The following SYT6 variants were observed in gnomAD, a reference collection of about 807,000 sequenced individuals.
SYT6 encodes the protein synaptotagmin-6.
Under a neutral mutation model 38.4 loss-of-function variants are expected in SYT6, and 24 were observed. The observed-to-expected ratio is 0.62, with a 90% CI of 0.45 to 0.88. SYT6 has a LOEUF of 0.88. Among genes scored for constraint, SYT6 ranks in the 40% least tolerant of loss-of-function variants. SYT6 has a pLI of 0.00. For synonymous variants in SYT6, 265 were observed against 241.9 expected (o/e 1.10, Z -0.89); for missense variants, 611 against 621.0 (o/e 0.98, Z 0.17).
chr1:114,131,975 T>C (rs369745085), intron 3 of SYT6, among the ~76,000 whole-genome samples: 2 of 152,362 alleles, frequency 1.3e-5, no homozygotes, highest in East Asian at 3.9e-4. Flanking sequence ...CAAGAAACAA[T>C]GTAACCATGC....
At chr1:114,126,461 A>G (rs1677743239) in intron 3 of SYT6, among the ~76,000 whole-genome samples, 1 of 152,176 alleles carries the variant, frequency 6.6e-6, no homozygotes, top group Non-Finnish European at 1.5e-5. Context: ...CCTGGAGTTC[A>G]AAAGTCTGTG....
At chr1:114,102,540 C>T (rs532938386) in intron 4 of SYT6, among the ~76,000 whole-genome samples, 1 of 152,352 alleles carries the variant, frequency 6.6e-6, no homozygotes, top group East Asian at 1.9e-4. Context: ...AGCTACTCCT[C>T]TGTTATTTCC....
chr1:114,128,696 T>C (rs554581301), intron 3 of SYT6, among the ~76,000 whole-genome samples: 4 of 152,366 alleles, frequency 2.6e-5, no homozygotes, highest in Admixed American at 6.5e-5. Context: ...CTAATACAGC[T>C]GAGCCTTACC....
chr1:114,144,774 T>C (rs1428496784), intron 1 of SYT6, among the ~76,000 whole-genome samples: 1 of 152,024 alleles, frequency 6.6e-6, no homozygotes, highest in African/African-American at 2.4e-5. Flanking sequence ...AGATCCCACA[T>C]CAGGGGCCAA....
At chr1:114,092,338 CTGTGTGTG>C (rs57240903) in intron 7 of SYT6, among the ~76,000 whole-genome samples, 45 of 128,568 alleles carry the variant, frequency 3.5e-4, no homozygotes, top group Admixed American at 7.1e-4. Context: ...CTCTCTCTCT[CTGTGTGTG>C]TGTGTGTGTG....
chr1:114,103,976 G>C (rs1474707042), intron 3 of SYT6, among the ~76,000 whole-genome samples: 2 of 152,008 alleles, frequency 1.3e-5, no homozygotes, highest in African/African-American at 2.4e-5. Context: ...TCTGACCCTG[G>C]TCCTTGCTGT....
chr1:114,142,769 G>A (rs147607023), intron 1 of SYT6, among the ~76,000 whole-genome samples: 60 of 152,266 alleles, frequency 3.9e-4, no homozygotes, highest in South Asian at 1.7e-3. Context: ...CATCAACATC[G>A]AAGCAAGACC....
intron 3 of SYT6, among the ~76,000 whole-genome samples, chr1:114,133,007 A>C (rs670495): frequency 6.6e-6 from 1 of 151,630 alleles, no homozygotes; most frequent in African/African-American, 2.4e-5. Context: ...CTCATTTCCA[A>C]GCCAGAGGCT....
At chr1:114,119,596 G>C (rs1331822304) in intron 3 of SYT6, among the ~76,000 whole-genome samples, 2 of 152,204 alleles carry the variant, frequency 1.3e-5, no homozygotes, top group African/African-American at 4.8e-5. Flanking sequence ...TTACGTTAAA[G>C]AGTGGGGAGA....
chr1:114,136,527 A>C (rs1232867974), intron 3 of SYT6, among the ~76,000 whole-genome samples: 1 of 152,188 alleles, frequency 6.6e-6, no homozygotes, highest in African/African-American at 2.4e-5. Flanking sequence ...AGGGGACTGG[A>C]GCGAAGGGCT....
chr1:114,152,667 G>T (rs1486149914), intron 1 of SYT6: 1 of 152,498 alleles, frequency 6.6e-6, no homozygotes, highest in South Asian at 2.1e-4. Flanking sequence ...AGCTCCCGCC[G>T]CCAGGGCGCG....
At chr1:114,129,631 T>TTCTTTC (rs1557756404) in intron 3 of SYT6, among the ~76,000 whole-genome samples, 7 of 136,914 alleles carry the variant, frequency 5.1e-5, no homozygotes, top group African/African-American at 2.1e-4. Flanking sequence ...CTTTCTTTCT[T>TTCTTTC]TCTTTCTTTC....
At chr1:114,126,161 C>T (rs1421183399) in intron 3 of SYT6, among the ~76,000 whole-genome samples, 1 of 152,122 alleles carries the variant, frequency 6.6e-6, no homozygotes, top group Non-Finnish European at 1.5e-5. Context: ...CATTGACTCC[C>T]AACCACCCCA....
At chr1:114,136,759 GC>G (rs1474600558) in intron 3 of SYT6, among the ~76,000 whole-genome samples, 1 of 152,190 alleles carries the variant, frequency 6.6e-6, no homozygotes, top group East Asian at 1.9e-4. Context: ...GGAAAACAAT[GC>G]CCAAGCAAAG....
chr1:114,132,773 C>T (rs944878193), intron 3 of SYT6, among the ~76,000 whole-genome samples: 1 of 152,206 alleles, frequency 6.6e-6, no homozygotes. Flanking sequence ...GCTCAGCAAG[C>T]TGCTCTGTGA....
intron 1 of SYT6, among the ~76,000 whole-genome samples, chr1:114,146,950 A>T (rs1679187333): frequency 6.6e-6 from 1 of 152,260 alleles, no homozygotes; most frequent in Non-Finnish European, 1.5e-5. Flanking sequence ...GTAATAAGCA[A>T]TATAATAAAT....
intron 3 of SYT6, among the ~76,000 whole-genome samples, chr1:114,122,506 T>TGCGCGC (rs149451162): frequency 1.7e-3 from 245 of 147,350 alleles, no homozygotes; most frequent in African/African-American, 4.3e-3. Context: ...TGTGTGTGTG[T>TGCGCGC]GCGCGCACAT....
chr1:114,106,475 G>A (rs1381277783), intron 3 of SYT6, among the ~76,000 whole-genome samples: 1 of 152,054 alleles, frequency 6.6e-6, no homozygotes, highest in East Asian at 1.9e-4. Context: ...CCTTGCCACT[G>A]CTCAAACCCC....
chr1:114,132,693 G>C (rs769879819), intron 3 of SYT6, among the ~76,000 whole-genome samples: 1 of 152,212 alleles, frequency 6.6e-6, no homozygotes, highest in Non-Finnish European at 1.5e-5. Flanking sequence ...TGAAGGGGAA[G>C]GTCAGGCCTG....
Sources: gnomAD v4.1 joint callset for allele counts (sites outside exome capture counted in the v4.1 genomes callset) on GRCh38, gnomAD v4.1.1 for gene constraint, MANE v1.5 for transcripts, NCBI Gene and HGNC (gene_info 2026-07-23, HGNC 2026-07-21) for gene names.